The following ADAMTS9 variants were observed in gnomAD, a reference collection of about 807,000 sequenced individuals.
ADAMTS9 encodes the protein A disintegrin and metalloproteinase with thrombospondin motifs 9.
Under a neutral mutation model 257.1 loss-of-function variants are expected in ADAMTS9, and 107 were observed. The ratio of observed to expected loss-of-function variants is 0.42; its 90% CI spans 0.36 to 0.49. The LOEUF (loss-of-function observed/expected upper bound fraction) is 0.49, where lower values mean the gene tolerates loss of function less well. ADAMTS9 is among the 20% of genes least tolerant of loss of function. ADAMTS9 has a pLI of 0.03. For synonymous variants in ADAMTS9, 982 were observed against 880.9 expected, an observed-to-expected ratio of 1.11 and a Z score of -2.03; for missense variants, 2,353 against 2,469.1, an observed-to-expected ratio of 0.95 and a Z score of 1.00.
chr3:64,578,113 A>C (rs191918808), intron 28 of ADAMTS9, among the ~76,000 whole-genome samples: 2 of 152,306 alleles, frequency 1.3e-5, no homozygotes, highest in Admixed American at 6.5e-5. Context: ...CTGTATCCAG[A>C]GAAATGTATC....
At chr3:64,638,473 A>G (rs576546872) in intron 12 of ADAMTS9, among the ~76,000 whole-genome samples, 2 of 152,312 alleles carry the variant, frequency 1.3e-5, no homozygotes, top group South Asian at 4.1e-4. Context: ...TGCCCAATCA[A>G]GAACGTTCTG....
At chr3:64,594,141 T>C (rs2084315669) in intron 28 of ADAMTS9, 117 bp downstream of exon 28, 2 of 1,092,556 alleles carry the variant, frequency 1.8e-6, no homozygotes, top group South Asian at 1.7e-5. Context: ...AGACTATTTA[T>C]AGCAGAGTTT....
At chr3:64,540,937 G>A (rs963810233) in intron 36 of ADAMTS9, among the ~76,000 whole-genome samples, 158 bp downstream of exon 36, 2 of 152,088 alleles carry the variant, frequency 1.3e-5, no homozygotes, top group Admixed American at 6.6e-5. Context: ...TATCCTCGCT[G>A]CACTGTAAGC....
At position 64,594,287 on chromosome 3, in the gene ADAMTS9, C is replaced by G. The variant is rs376236128; in HGVS notation, c.4327G>C (p.Ala1443Pro). ...QCNTHACPHD[A>P]AWSTGPWSSC... ...CTCCAAGGGCCAGTACTCCATGCAG[C>G]GTCGTGTGGACAAGCATGTGTGTTA... The change falls in exon 28 of 40, where the codon GCT (alanine) becomes CCT (proline). Residue 1443 changes from alanine to proline, a missense_variant. Ala to Pro is a conservative substitution (Grantham distance 27). Coordinates refer to ENST00000498707, the MANE Select transcript of ADAMTS9 (RefSeq NM_182920.2). 2 of 1,613,914 alleles carry G rather than the reference C, an allele frequency of 1.2e-6. No homozygotes were observed. The highest frequency in any genetic ancestry group is 1.7e-6 in the Non-Finnish European group (2 of 1,179,892).
At chr3:64,579,902 C>A (rs549923099) in intron 28 of ADAMTS9, among the ~76,000 whole-genome samples, 68 of 152,298 alleles carry the variant, frequency 4.5e-4, no homozygotes, top group Non-Finnish European at 8.8e-4. Context: ...CTAAAGGGAA[C>A]ATTATCTGAG....
chr3:64,576,972 C>T (rs1052803141), intron 28 of ADAMTS9, among the ~76,000 whole-genome samples: 5 of 152,260 alleles, frequency 3.3e-5, no homozygotes, highest in African/African-American at 7.2e-5. Context: ...GGGGACAGGG[C>T]GCTCCAGTTC....
intron 28 of ADAMTS9, among the ~76,000 whole-genome samples, chr3:64,575,897 T>G (rs1256287338): frequency 2.0e-5 from 3 of 152,230 alleles, no homozygotes; most frequent in Admixed American, 2.0e-4. Flanking sequence ...TTTTAGAATA[T>G]CTCTTAACAC....
intron 28 of ADAMTS9, among the ~76,000 whole-genome samples, chr3:64,591,684 T>C (rs13080655): frequency 0.18 from 27,063 of 152,090 alleles, 3,021 homozygotes; most frequent in Non-Finnish European, 0.25. Context: ...TGGGGTTTCT[T>C]TCCTAAATAC....
intron 29 of ADAMTS9, among the ~76,000 whole-genome samples, chr3:64,566,610 T>G (rs1388966288): frequency 6.6e-6 from 1 of 152,226 alleles, no homozygotes; most frequent in African/African-American, 2.4e-5. Context: ...GGATTAAAAC[T>G]CACTCTGTGT....
intron 39 of ADAMTS9, among the ~76,000 whole-genome samples, chr3:64,519,174 C>T (rs1329324248): frequency 6.6e-6 from 1 of 152,086 alleles, no homozygotes; most frequent in African/African-American, 2.4e-5. Flanking sequence ...TGTGAGGATT[C>T]AATGAAATAT....
At chr3:64,670,112 A>C (rs1262192716) in intron 3 of ADAMTS9, among the ~76,000 whole-genome samples, 1 of 129,710 alleles carries the variant, frequency 7.7e-6, no homozygotes, top group Non-Finnish European at 1.6e-5. Context: ...TATTAATACC[A>C]AACTCTTCTA....
At chr3:64,570,284 T>C (rs2083647487) in intron 28 of ADAMTS9, among the ~76,000 whole-genome samples, 1 of 152,068 alleles carries the variant, frequency 6.6e-6, no homozygotes, top group African/African-American at 2.4e-5. Flanking sequence ...ATTAATTAAG[T>C]GATGACAAAA....
At chr3:64,527,820 A>G (rs1020856185) in intron 38 of ADAMTS9, among the ~76,000 whole-genome samples, 5 of 152,084 alleles carry the variant, frequency 3.3e-5, no homozygotes, top group Non-Finnish European at 7.4e-5. Flanking sequence ...CACTTGGTGG[A>G]TAGTTGGATT....
At chr3:64,537,537 C>T (rs1417141502) in intron 37 of ADAMTS9, among the ~76,000 whole-genome samples, 2 of 152,164 alleles carry the variant, frequency 1.3e-5, no homozygotes, top group Admixed American at 1.3e-4. Flanking sequence ...TTCCTCTCCA[C>T]TTCTCTAAAA....
intron 30 of ADAMTS9, among the ~76,000 whole-genome samples, chr3:64,561,066 T>TTTTC (rs1553703275): frequency 2.8e-5 from 2 of 72,122 alleles, no homozygotes; most frequent in African/African-American, 1.7e-4. Context: ...GATACCATCC[T>TTTTC]TTTTTTTTTT....
chr3:64,665,175 C>T (rs1176173208), intron 3 of ADAMTS9, among the ~76,000 whole-genome samples: 2 of 152,192 alleles, frequency 1.3e-5, no homozygotes, highest in African/African-American at 2.4e-5. Context: ...CCTATCGCCA[C>T]ATCATAGGTA....
intron 37 of ADAMTS9, among the ~76,000 whole-genome samples, chr3:64,534,517 C>T (rs1489049110): frequency 3.3e-5 from 5 of 152,170 alleles, no homozygotes; most frequent in African/African-American, 4.8e-5. Context: ...TTGTAACATA[C>T]GACTAGCCAC....
intron 39 of ADAMTS9, chr3:64,521,514 C>T (rs1174048941): frequency 1.3e-5 from 2 of 152,174 alleles, no homozygotes; most frequent in Non-Finnish European, 2.9e-5. Context: ...CAGCACTATT[C>T]ACAATAGCAA....
In ADAMTS9 at chr3:64,602,017, C is replaced by A. The variant is rs771279906; in HGVS notation, c.3944G>T (p.Arg1315Leu). The stretch of plus-strand genomic sequence containing the variant: ...GCGGCTGGGGCTGGCGCTCCGGGGA[C>A]GATAGTCCTCATTTTGGAAGGGGTG... ...AQHPFQNEDY[R>L]PRSASPSRTH... is the part of the protein sequence containing the mutation. Residue 1315 changes from arginine (R) to leucine (L), a missense_variant, in exon 26 of 40, where the codon CGT becomes CTT. Around this residue, in one of 3 missense-constraint regions of ADAMTS9, gnomAD observed 1,402 missense variants for 1,441.4 expected, o/e 0.97. Transcript: ENST00000498707. 1.2e-6 allele frequency: 2 copies of A among 1,613,926 alleles called. No individual in the cohort carries two copies. Among genetic ancestry groups the A allele is most frequent in the Non-Finnish European group, 1.7e-6 (2 of 1,179,982 alleles).
Sources: allele counts gnomAD v4.1 joint callset (sites outside exome capture counted in the v4.1 genomes callset), GRCh38; gene constraint gnomAD v4.1.1; regional missense constraint gnomAD v4.1.1; transcripts MANE v1.5; gene names NCBI Gene and HGNC (gene_info 2026-07-23, HGNC 2026-07-21).